SETX: variants seen among roughly 807,000 people sequenced by gnomAD.
SETX encodes the protein senataxin.
Under a neutral mutation model 227.2 loss-of-function variants are expected in SETX, and 90 were observed. The observed-to-expected ratio is 0.40, with a 90% confidence interval of 0.33 to 0.47. The LOEUF (loss-of-function observed/expected upper bound fraction) is 0.47, where lower values mean the gene tolerates loss of function less well. SETX is among the 20% of genes least tolerant of loss of function. The pLI, the probability that SETX is intolerant of heterozygous loss-of-function variation, is 0.91. For missense variants in SETX, 3,052 were observed against 3,181.5 expected (o/e 0.96, Z 0.98); for synonymous variants, 1,210 against 1,113.2 (o/e 1.09, Z -1.73).
chr9:132,318,443 G>A (rs1846128082), intron 10 of SETX, among the ~76,000 whole-genome samples: 2 of 152,160 alleles, frequency 1.3e-5, no homozygotes, highest in African/African-American at 4.8e-5. Flanking sequence ...AGGCACATCA[G>A]CTACAAAGGA....
chr9:132,277,842 T>G (rs893942584), intron 21 of SETX, among the ~76,000 whole-genome samples: 2 of 151,446 alleles, frequency 1.3e-5, no homozygotes, highest in African/African-American at 4.9e-5. Flanking sequence ...TACCAAAATG[T>G]TACCAGTGAT....
intron 3 of SETX, among the ~76,000 whole-genome samples, chr9:132,348,378 C>CAAAAAAA (rs112086483): frequency 7.4e-6 from 1 of 135,114 alleles, no homozygotes; most frequent in Non-Finnish European, 1.5e-5. Flanking sequence ...AAAAACAAAA[C>CAAAAAAA]AAAAAAAAAA....
chr9:132,273,398 G>A (rs903045549), intron 23 of SETX, among the ~76,000 whole-genome samples: 3 of 152,076 alleles, frequency 2.0e-5, no homozygotes, highest in African/African-American at 7.2e-5. Flanking sequence ...CCTGACCTCA[G>A]GTGATCCACC....
chr9:132,264,863 C>T lies in SETX; in HGVS notation c.7410G>A (p.Gln2470=). 2 of 1,614,144 alleles carry T rather than the reference C, an allele frequency of 1.2e-6. No homozygotes were observed. The highest frequency in any genetic ancestry group is 2.2e-5 in the East Asian group (1 of 44,874). The change falls in exon 26 of 26, where the codon CAG becomes CAA. Residue 2470 remains glutamine, a synonymous_variant. Transcript: ENST00000224140. ...VKILKLKPVL[Q]RSLTHPPTIA... The stretch of plus-strand genomic sequence containing the variant: ...TGGTAGGAGGGTGAGTGAGACTTCT[C>T]TGCAGCACAGGCTTGAGTTTCAGAA...
chr9:132,311,651 C>T (rs1378567683), intron 11 of SETX, 106 bp downstream of exon 11: 15 of 776,942 alleles, frequency 1.9e-5, no homozygotes, highest in Non-Finnish European at 1.1e-5. Flanking sequence ...ACAAATTTAG[C>T]TTAGAAAATT....
intron 2 of SETX, among the ~76,000 whole-genome samples, chr9:132,351,366 C>T (rs1848593759): frequency 6.6e-6 from 1 of 152,118 alleles, no homozygotes; most frequent in Admixed American, 6.5e-5. Flanking sequence ...CTTGAAGCTC[C>T]AAATGTTGTG....
intron 3 of SETX, among the ~76,000 whole-genome samples, chr9:132,348,377 A>C (rs761226502): frequency 1.0e-5 from 1 of 97,238 alleles, no homozygotes; most frequent in African/African-American, 3.9e-5. Context: ...AAAAAACAAA[A>C]CAAAAAAAAA....
At chr9:132,335,175 A>ATGAG (rs1847520239) in intron 6 of SETX, among the ~76,000 whole-genome samples, 1 of 151,420 alleles carries the variant, frequency 6.6e-6, no homozygotes, top group Non-Finnish European at 1.5e-5. Flanking sequence ...CAGATCACAA[A>ATGAG]GTCAGGAGAT....
chr9:132,335,195 C>T (rs1015816358), intron 6 of SETX, among the ~76,000 whole-genome samples: 3 of 151,766 alleles, frequency 2.0e-5, no homozygotes, highest in South Asian at 4.2e-4. Context: ...TCGAGACCAT[C>T]CTGGCTAACA....
chr9:132,273,743 AAG>A (rs1217452938), intron 23 of SETX, among the ~76,000 whole-genome samples: 1 of 152,114 alleles, frequency 6.6e-6, no homozygotes, highest in Non-Finnish European at 1.5e-5. Flanking sequence ...GCCACCTATG[AAG>A]AGAGAGTTTT....
chr9:132,339,211 T>TG (rs1180493937), intron 5 of SETX, among the ~76,000 whole-genome samples: 5 of 152,196 alleles, frequency 3.3e-5, no homozygotes, highest in Non-Finnish European at 7.3e-5. Context: ...AGGCCAGGCA[T>TG]GGTGGCTCAT....
In SETX at chr9:132,327,079, C is replaced by T. The variant is rs1242382257; in HGVS notation, c.4519G>A (p.Asp1507Asn). 6.2e-7 allele frequency: 1 copy of T among 1,614,062 alleles called. No homozygotes were observed. Among genetic ancestry groups the T allele is most frequent in the East Asian group, 2.2e-5 (1 of 44,898 alleles). ...TCATTCTCCATTTGTGAACATAAAT[C>T]CATATCTTCAGGATCATTTTGGGTT... is the stretch of plus-strand genomic sequence containing the variant. Reference protein sequence around the residue: ...FLTQNDPEDMDLCSQMENDNY... With the variant: ...FLTQNDPEDMNLCSQMENDNY... The change falls in exon 10 of 26, where the codon GAT becomes AAT. Residue 1507 changes from aspartate (D) to asparagine (N), a missense_variant. By Grantham distance (23) the Asp-to-Asn change is conservative. Around this residue, in one of 10 missense-constraint regions of SETX, gnomAD observed 1,483 missense variants for 1,312.0 expected, o/e 1.13. Coordinates refer to ENST00000224140, the MANE Select transcript of SETX (RefSeq NM_015046.7).
Position 132,327,805 on chromosome 9 carries a change from T to A in SETX, c.3793A>T (p.Thr1265Ser). 6.2e-7 allele frequency: 1 copy of A among 1,613,964 alleles called. No individual in the cohort carries two copies. The highest frequency in any genetic ancestry group is 2.2e-5 in the East Asian group (1 of 44,868). The change falls in exon 10 of 26, where the codon ACT (threonine) becomes TCT (serine). Residue 1265 changes from threonine (T) to serine (S), a missense_variant. This residue lies in a region of SETX where 1,483 missense variants were observed against 1,312.0 expected (regional missense o/e 1.13). Coordinates refer to ENST00000224140, the MANE Select transcript of SETX (RefSeq NM_015046.7). ...RSSNYLSCRT[T>S]PAIVPPKKFR... is the part of the protein sequence containing the mutation. ...TTCTTTGGCGGCACTATAGCAGGAG[T>A]TGTTCTACAACTTAGGTAATTTGAA...
At chr9:132,324,862 T>G (rs998102198) in intron 10 of SETX, among the ~76,000 whole-genome samples, 1 of 152,248 alleles carries the variant, frequency 6.6e-6, no homozygotes, top group Non-Finnish European at 1.5e-5. Flanking sequence ...TCCCACTTCT[T>G]ACCTGCCTTG....
chr9:132,264,996 T>G lies in SETX; in HGVS notation c.7288-11A>C, dbSNP rs374723252. The G allele has an allele frequency of 6.2e-7, 1 of 1,612,174 alleles. No individual in the cohort carries two copies. The highest frequency in any genetic ancestry group is 1.1e-5 in the South Asian group (1 of 91,032). On this transcript the variant is annotated splice_polypyrimidine_tract_variant and intron_variant, in intron 25 of 25. Coordinates refer to ENST00000224140, the MANE Select transcript of SETX (RefSeq NM_015046.7). Reference sequence around the variant, plus strand: ...CCAATGCTGGTTTTCCTTGAAACAATGAGAAGGGAGAAATAATTACACCCC... The same window carrying G: ...CCAATGCTGGTTTTCCTTGAAACAAGGAGAAGGGAGAAATAATTACACCCC...
chr9:132,349,435 C>T lies in SETX; in HGVS notation c.-7G>A. ...ACCAACAACATGTGCTCATTCTGTA[C>T]CTACAGCCAGAAAAGATGACATCAA... On this transcript the variant is annotated splice_region_variant and 5_prime_UTR_variant, in exon 3 of 26. Transcript: ENST00000224140. The T allele has an allele frequency of 1.2e-6, 2 of 1,614,090 alleles. No individual in the cohort carries two copies. The highest frequency in any genetic ancestry group is 1.7e-6 in the Non-Finnish European group (2 of 1,180,000).
At position 132,326,890 on chromosome 9, in the gene SETX, C is replaced by T; in HGVS notation, c.4708G>A (p.Glu1570Lys). 1 of 1,614,190 alleles carries T rather than the reference C, an allele frequency of 6.2e-7. No individual in the cohort carries two copies. Among genetic ancestry groups the T allele is most frequent in the Non-Finnish European group, 8.5e-7 (1 of 1,180,036 alleles). The change falls in exon 10 of 26, where the codon GAA (glutamate) becomes AAA (lysine). Residue 1570 changes from glutamate (E) to lysine (K), a missense_variant. This residue lies in a region of SETX where 1,483 missense variants were observed against 1,312.0 expected (regional missense o/e 1.13). Transcript: ENST00000224140. The part of the protein sequence containing the change: ...NQGEYCPKHS[E>K]VKAADEDVFR... ...ACATCTTCATCTGCTGCTTTCACTTCAGAGTGTTTTGGGCAGTATTCACCC... is the reference window on the plus strand; with the variant it reads ...ACATCTTCATCTGCTGCTTTCACTTTAGAGTGTTTTGGGCAGTATTCACCC...
intron 15 of SETX, among the ~76,000 whole-genome samples, chr9:132,290,877 T>C (rs553819764): frequency 6.6e-6 from 1 of 152,024 alleles, no homozygotes; most frequent in South Asian, 2.1e-4. Flanking sequence ...TTCCCCACTA[T>C]ATCACTGGGC....
At chr9:132,299,019 T>C (rs1326467382) in intron 12 of SETX, among the ~76,000 whole-genome samples, 1 of 152,224 alleles carries the variant, frequency 6.6e-6, no homozygotes, top group Non-Finnish European at 1.5e-5. Flanking sequence ...CTTACAAGGT[T>C]ACCATAGTAA....
Sources: gnomAD v4.1 joint callset for allele counts (sites outside exome capture counted in the v4.1 genomes callset) on GRCh38, gnomAD v4.1.1 for gene constraint, gnomAD v4.1.1 regional missense constraint, MANE v1.5 for transcripts, NCBI Gene and HGNC (gene_info 2026-07-23, HGNC 2026-07-21) for gene names.